Variants in TMCO1 observed in about 807,000 individuals in gnomAD.
The protein encoded by TMCO1 is calcium load-activated calcium channel.
A neutral mutation model predicts 29.3 loss-of-function variants in TMCO1; 29 were observed. The observed-to-expected ratio is 0.99, with a 90% CI of 0.74 to 1.35. The LOEUF is 1.35. TMCO1 is among the 40% of genes most tolerant of loss of function. TMCO1 has a pLI of 0.00. For synonymous variants in TMCO1, 80 were observed against 77.1 expected, an observed-to-expected ratio of 1.04 and a Z score of -0.20; for missense variants, 173 against 225.5, an observed-to-expected ratio of 0.77 and a Z score of 1.49.
intron 5 of TMCO1, among the ~76,000 whole-genome samples, chr1:165,745,144 C>T (rs1430634029): frequency 6.6e-6 from 1 of 151,612 alleles, no homozygotes; most frequent in Non-Finnish European, 1.5e-5. Flanking sequence ...CCTCAGCCTC[C>T]CAGGAAGGTG....
rs79402779 is a variant in TMCO1 at position 165,762,385 on chromosome 1, T to C, written c.149-2801A>G. On this transcript the variant is annotated intron_variant, in intron 2 of 6. Transcript: ENST00000367881. ...TATTTCTTTCCCACCCCAGAAGGAC[T>C]ATAACACAACTACTTGGCATTTAAC... Among the ~76,000 whole-genome samples, 150 of 152,244 alleles carry C rather than the reference T, an allele frequency of 9.9e-4. 1 individual carries two copies. In the East Asian group the frequency reaches 0.019, roughly 20 times the overall value.
At chr1:165,760,814 AG>A (rs1177005270) in intron 2 of TMCO1, among the ~76,000 whole-genome samples, 3 of 152,188 alleles carry the variant, frequency 2.0e-5, no homozygotes, top group Non-Finnish European at 4.4e-5. Flanking sequence ...AATAAAAAAA[AG>A]AAAGAAAAAG....
At chr1:165,737,813 T>C (rs1384371183) in intron 6 of TMCO1, among the ~76,000 whole-genome samples, 1 of 152,184 alleles carries the variant, frequency 6.6e-6, no homozygotes, top group African/African-American at 2.4e-5. Flanking sequence ...TTAAGAGAAT[T>C]TGTCACCAGC....
chr1:165,763,277 A>T (rs1447461790), intron 2 of TMCO1, among the ~76,000 whole-genome samples: 1 of 152,170 alleles, frequency 6.6e-6, no homozygotes, highest in African/African-American at 2.4e-5. Flanking sequence ...AATTTACCTT[A>T]TATTTTTCCT....
At chr1:165,726,508 A>C, downstream of TMCO1, 1 of 498,828 alleles carries the variant, frequency 2.0e-6, no homozygotes. Flanking sequence ...TTGAATTCAA[A>C]TCCTGACTGC....
At chr1:165,755,304 A>C (rs1652153868) in intron 3 of TMCO1, among the ~76,000 whole-genome samples, 1 of 152,198 alleles carries the variant, frequency 6.6e-6, no homozygotes, top group African/African-American at 2.4e-5. Flanking sequence ...ATAACATAGA[A>C]AAAGGCCTAG....
chr1:165,763,528 A>G lies in TMCO1; in HGVS notation c.149-3944T>C, dbSNP rs1012286744. 4.6e-5 allele frequency among the ~76,000 whole-genome samples: 7 copies of G among 152,224 alleles called. 1 individual carries two copies. The highest frequency in any genetic ancestry group is 4.6e-4 in the Admixed American group (7 of 15,268). ...AATGCCATGAGTCATTCCAATCATCAACCTACCTCATACTTACCTTCAAAG... is the reference window on the plus strand; with the variant it reads ...AATGCCATGAGTCATTCCAATCATCGACCTACCTCATACTTACCTTCAAAG... On this transcript the variant is annotated intron_variant, in intron 2 of 6. Transcript: ENST00000367881.
At chr1:165,746,308 C>CAAA (rs67433376) in intron 5 of TMCO1, among the ~76,000 whole-genome samples, 21 of 123,456 alleles carry the variant, frequency 1.7e-4, no homozygotes, top group African/African-American at 5.3e-4. Context: ...GACTCCATCT[C>CAAA]AAAAAAAAAA....
At chr1:165,739,811 G>A (rs1171655492) in intron 6 of TMCO1, among the ~76,000 whole-genome samples, 1 of 151,532 alleles carries the variant, frequency 6.6e-6, no homozygotes, top group Non-Finnish European at 1.5e-5. Flanking sequence ...AAATCTGCCT[G>A]AAATTAAAAC....
At chr1:165,750,632 C>CATATATCATGTTTTAAAAA (rs1028933176) in intron 5 of TMCO1, among the ~76,000 whole-genome samples, 2 of 150,772 alleles carry the variant, frequency 1.3e-5, no homozygotes, top group African/African-American at 4.9e-5. Context: ...GAAATTAATA[C>CATATATCATGTTTTAAAAA]ATATATCATG....
rs114174936 is a variant in TMCO1 at position 165,729,018 on chromosome 1, G to A, written c.469-897C>T. Among the ~76,000 whole-genome samples the A allele has an allele frequency of 3.5e-3, 519 of 148,620 alleles. 2 individuals are homozygous for A. The highest frequency in any genetic ancestry group is 0.013 in the African/African-American group (506 of 40,360). On this transcript the variant is annotated intron_variant, in intron 6 of 6. Coordinates refer to ENST00000367881, the MANE Select transcript of TMCO1 (RefSeq NM_019026.6). The stretch of plus-strand genomic sequence containing the variant: ...CTACTCGGGAGGGTGAGGCATGAGA[G>A]TCCCTTGAACCTAGGAGGCAGAGGC...
At chr1:165,726,081 C>A (rs1454726400), downstream of TMCO1, 8 of 695,692 alleles carry the variant, frequency 1.1e-5, no homozygotes, top group Non-Finnish European at 1.8e-5. Context: ...AAGGTGATGG[C>A]AGAATTTTGA....
intron 2 of TMCO1, among the ~76,000 whole-genome samples, chr1:165,766,948 G>A (rs11586711): frequency 0.012 from 1,766 of 152,166 alleles, 18 homozygotes; most frequent in Non-Finnish European, 0.02. Flanking sequence ...CGTTTGTGAA[G>A]GTAAAGATAA....
Position 165,768,714 on chromosome 1 carries a change from A to C in TMCO1, c.38T>G (p.Phe13Cys), listed in dbSNP as rs1652676894. 3.1e-6 allele frequency: 5 copies of C among 1,614,124 alleles called. No individual in the cohort carries two copies. The East Asian group carries it at 1.1e-4, about 36-fold the overall frequency. The change falls in exon 1 of 7, where the codon TTT (phenylalanine) becomes TGT (cysteine). Residue 13 changes from phenylalanine to cysteine, a missense_variant. Physicochemically the swap from Phe to Cys is radical, Grantham distance 205. Transcript: ENST00000367881. ...GAGCAGAGCCGTGCACACAGAGATA[A>C]AAACGATGAGGAGAGTGTCCGCGAA... The part of the protein sequence containing the change: ...TMFADTLLIV[F>C]ISVCTALLAE...
chr1:165,755,827 C>A (rs2101810197), intron 3 of TMCO1, among the ~76,000 whole-genome samples: 1 of 152,230 alleles, frequency 6.6e-6, no homozygotes. Context: ...CACCCTCTGT[C>A]CTACTACTGC....
chr1:165,768,290 T>G, intron 1 of TMCO1, 21 bp from the exon 2 acceptor site: 1 of 1,603,590 alleles, frequency 6.2e-7, no homozygotes, highest in Non-Finnish European at 8.5e-7. Context: ...AAAAGCAACA[T>G]GTTAATAGAG....
In TMCO1 at chr1:165,735,817, G is replaced by C. The variant is rs1404176073; in HGVS notation, c.468+7350C>G. 2.6e-5 allele frequency among the ~76,000 whole-genome samples: 4 copies of C among 152,136 alleles called. No homozygotes were observed. The East Asian group carries it at 7.7e-4, about 29-fold the overall frequency. On this transcript the variant is annotated intron_variant, in intron 6 of 6. Coordinates refer to ENST00000367881, the MANE Select transcript of TMCO1 (RefSeq NM_019026.6). The stretch of plus-strand genomic sequence containing the variant: ...GGCATGAGCCACCACGCCTGGGTCT[G>C]CTTAATTCTTAAACTATGTACAAGG...
intron 4 of TMCO1, among the ~76,000 whole-genome samples, chr1:165,752,794 CA>C (rs1383946645): frequency 7.6e-4 from 108 of 141,800 alleles, no homozygotes; most frequent in South Asian, 2.5e-3. Flanking sequence ...GACTCCGTCT[CA>C]AAAAAAAAAA....
intron 6 of TMCO1, among the ~76,000 whole-genome samples, chr1:165,741,801 G>A (rs1651604637): frequency 2.0e-5 from 3 of 152,126 alleles, no homozygotes; most frequent in African/African-American, 7.2e-5. Flanking sequence ...ACGAGATCTG[G>A]TTGTTTAAAA....
Sources: allele counts gnomAD v4.1 joint callset (sites outside exome capture counted in the v4.1 genomes callset), GRCh38; gene constraint gnomAD v4.1.1; transcripts MANE v1.5; gene names NCBI Gene and HGNC (gene_info 2026-07-23, HGNC 2026-07-21).